DYNLRB2: variants seen among roughly 807,000 people sequenced by gnomAD.
DYNLRB2 encodes the protein bithoraxoid-like protein.
Under a neutral mutation model 12.6 loss-of-function variants are expected in DYNLRB2, and 14 were observed. That is an observed-to-expected ratio of 1.11 (90% CI 0.73 to 1.73). DYNLRB2 has a LOEUF of 1.73. Ranked by LOEUF, DYNLRB2 falls within the 40% of genes most tolerant of loss-of-function variation. The pLI, the probability that DYNLRB2 is intolerant of heterozygous loss-of-function variation, is 0.00. For synonymous variants in DYNLRB2, 53 were observed against 37.0 expected (o/e 1.43, Z -1.57); for missense variants, 142 against 117.7 (o/e 1.21, Z -0.95).
At chr16:80,543,696 G>T (rs1382159348) in intron 2 of DYNLRB2, among the ~76,000 whole-genome samples, 2 of 152,050 alleles carry the variant, frequency 1.3e-5, no homozygotes, top group African/African-American at 2.4e-5. Context: ...TATCATTGTT[G>T]GTGGGTTGTT....
chr16:80,549,086 C>A, intron 2 of DYNLRB2: 1 of 446,700 alleles, frequency 2.2e-6, no homozygotes, highest in South Asian at 1.6e-5. Context: ...AAGATTTATG[C>A]ACAAAAATGT....
intron 1 of DYNLRB2, 51 bp downstream of exon 1, chr16:80,541,130 T>C: frequency 6.3e-7 from 1 of 1,588,202 alleles, no homozygotes; most frequent in Non-Finnish European, 8.6e-7. Flanking sequence ...ACGCCGACCG[T>C]CAAGGACCTT....
Position 80,541,073 on chromosome 16 carries a change from C to G in DYNLRB2, c.-4C>G. The G allele has an allele frequency of 5.0e-6, 8 of 1,608,136 alleles. No individual in the cohort carries two copies. Among genetic ancestry groups the G allele is most frequent in the Non-Finnish European group, 6.8e-6 (8 of 1,176,762 alleles). ...CCTGAGCCCAGAGTTTCGCGGCCTC[C>G]GCGATGGTAAATCTGGGGTCTCCGT... On this transcript the variant is annotated 5_prime_UTR_variant, in exon 1 of 4. Transcript: ENST00000305904.
rs1904797865 is a variant in DYNLRB2 at position 80,550,788 on chromosome 16, A to G, written c.*230A>G. On this transcript the variant is annotated 3_prime_UTR_variant, in exon 4 of 4. Coordinates refer to ENST00000305904, the MANE Select transcript of DYNLRB2 (RefSeq NM_130897.3). ...ATATACGTCTCTATTGTCTTATAAT[A>G]CACAAAACCAAGGATTCTACTAAGA... The G allele has an allele frequency of 1.9e-6, 1 of 540,378 alleles. No individual in the cohort carries two copies. The allele number at this position is 540,378 out of a possible 1,614,324, so 33.5% of individuals were successfully genotyped here.
chr16:80,548,896 T>C lies in DYNLRB2; in HGVS notation c.80-588T>C, dbSNP rs192208295. 4 of 455,426 alleles carry C rather than the reference T, an allele frequency of 8.8e-6. No individual in the cohort carries two copies. The Admixed American group carries it at 9.4e-5, about 11-fold the overall frequency. 28.2% of individuals were successfully genotyped at this position (455,426 alleles called of 1,614,324 possible). On this transcript the variant is annotated intron_variant, in intron 2 of 3. Coordinates refer to ENST00000305904, the MANE Select transcript of DYNLRB2 (RefSeq NM_130897.3). ...ACTGTGTGAGGAGTCCCTTTTGATG[T>C]ACCCTCTAGCATGTGCAGTGATATC...
rs1186596400 is a variant in DYNLRB2, at chr16:80,540,998, C to G, written c.-79C>G. ...GTGGGGCCACTTCCTTTTTTGTCTC[C>G]TAGCAACGGCGGGTAGCGTTGTTGA... is the stretch of plus-strand genomic sequence containing the variant. On this transcript the variant is annotated 5_prime_UTR_variant, in exon 1 of 4. Transcript: ENST00000305904. 6.3e-7 allele frequency: 1 copy of G among 1,588,750 alleles called. No individual in the cohort carries two copies. The highest frequency in any genetic ancestry group is 1.3e-5 in the African/African-American group (1 of 74,186).
At chr16:80,550,395 G>A (rs1904768376) in intron 3 of DYNLRB2, 120 bp from the exon 4 acceptor site, 2 of 1,139,010 alleles carry the variant, frequency 1.8e-6, no homozygotes, top group Admixed American at 1.8e-5. Context: ...CAGATAGGGT[G>A]GGAAACCATC....
chr16:80,543,229 G>A, intron 1 of DYNLRB2, 47 bp from the exon 2 acceptor site: 1 of 1,592,186 alleles, frequency 6.3e-7, no homozygotes. Flanking sequence ...TAGGGTTGAA[G>A]TTACCACAGG....
chr16:80,545,065 A>T (rs1185250236), intron 2 of DYNLRB2, among the ~76,000 whole-genome samples: 1 of 152,110 alleles, frequency 6.6e-6, no homozygotes, highest in East Asian at 1.9e-4. Flanking sequence ...ACACTCTTCA[A>T]CCCTGTACAG....
chr16:80,544,527 G>A (rs189908851), intron 2 of DYNLRB2, among the ~76,000 whole-genome samples: 40 of 152,256 alleles, frequency 2.6e-4, no homozygotes, highest in Middle Eastern at 3.4e-3. Context: ...GCCCTAGTAC[G>A]TGGATCTGGT....
At chr16:80,543,586 C>T (rs929784174) in intron 2 of DYNLRB2, among the ~76,000 whole-genome samples, 3 of 152,174 alleles carry the variant, frequency 2.0e-5, no homozygotes, top group African/African-American at 4.8e-5. Context: ...CTATATACTC[C>T]TAAGAAGCAC....
At position 80,541,378 on chromosome 16, in the gene DYNLRB2, G is replaced by A. The variant is rs560505925; in HGVS notation, c.3+299G>A. 8 of 984,758 alleles carry A rather than the reference G, an allele frequency of 8.1e-6. No homozygotes were observed. In the African/African-American group the frequency reaches 1.2e-4, roughly 15 times the overall value. 61.0% of individuals were successfully genotyped at this position (984,758 alleles called of 1,614,324 possible). A position where few individuals can be genotyped will look rare whatever the true frequency, so the allele number is the denominator to read the frequency against. ...GGATGAAGAATGCTCAGGGGAGTGA[G>A]AAATCCGGGGAGCCAGGAAAGTTTC... On this transcript the variant is annotated intron_variant, in intron 1 of 3. Coordinates refer to ENST00000305904, the MANE Select transcript of DYNLRB2 (RefSeq NM_130897.3).
rs2142315871 is a variant in DYNLRB2 at position 80,549,649 on chromosome 16, C to T, written c.245C>T (p.Pro82Leu). 2 of 1,586,842 alleles carry T rather than the reference C, an allele frequency of 1.3e-6. No individual in the cohort carries two copies. The highest frequency in any genetic ancestry group is 1.1e-5 in the South Asian group (1 of 87,968). Residue 82 changes from proline to leucine, a missense_variant and splice_region_variant, in exon 3 of 4, where the codon CCA becomes CTA. Transcript: ENST00000305904. The stretch of plus-strand genomic sequence containing the variant: ...AAGAAACATGAAATCATGGTAGCTC[C>T]AGGTAATTTGGCATTTCATTTCCTA... ...RSKKHEIMVA[P>L]DKEYLLIVIQ...
chr16:80,550,769 G>A lies in DYNLRB2; in HGVS notation c.*211G>A, dbSNP rs183989150. ...ACAATAAGTGAATTCTGGTATATAC[G>A]TCTCTATTGTCTTATAATACACAAA... On this transcript the variant is annotated 3_prime_UTR_variant, in exon 4 of 4. Coordinates refer to ENST00000305904, the MANE Select transcript of DYNLRB2 (RefSeq NM_130897.3). 42 of 571,810 alleles carry A rather than the reference G, an allele frequency of 7.3e-5. No homozygotes were observed. Among genetic ancestry groups the A allele is most frequent in the African/African-American group, 2.8e-4 (15 of 53,448 alleles). 35.4% of individuals were successfully genotyped at this position (571,810 alleles called of 1,614,324 possible). A position where few individuals can be genotyped will look rare whatever the true frequency, so the allele number is the denominator to read the frequency against.
At chr16:80,542,458 C>T (rs939506226) in intron 1 of DYNLRB2, among the ~76,000 whole-genome samples, 1 of 152,120 alleles carries the variant, frequency 6.6e-6, no homozygotes, top group Admixed American at 6.5e-5. Flanking sequence ...AAAATGTTCA[C>T]CTGTGCAATA....
In DYNLRB2 at chr16:80,541,133, A is replaced by G. The variant is rs1597086235; in HGVS notation, c.3+54A>G. 8.2e-6 allele frequency: 13 copies of G among 1,587,482 alleles called. No homozygotes were observed. The East Asian group carries it at 1.4e-4, about 16-fold the overall frequency. On this transcript the variant is annotated intron_variant, in intron 1 of 3. Transcript: ENST00000305904. ...GCCGTTCCAAGCACGCCGACCGTCA[A>G]GGACCTTCGCACCCAGCTTCTGGGG...
intron 3 of DYNLRB2, 32 bp downstream of exon 3, chr16:80,549,683 A>G (rs1904720263): frequency 1.3e-6 from 2 of 1,546,244 alleles, no homozygotes; most frequent in African/African-American, 1.4e-5. Flanking sequence ...TAGTTAAATC[A>G]TCTTTCTAAT....
intron 1 of DYNLRB2, 91 bp from the exon 2 acceptor site, chr16:80,543,185 G>A (rs1904304852): frequency 7.8e-7 from 1 of 1,287,690 alleles, no homozygotes; most frequent in Non-Finnish European, 1.1e-6. Context: ...TAAGGAGATA[G>A]GAGAGTAGGT....
intron 2 of DYNLRB2, among the ~76,000 whole-genome samples, chr16:80,548,681 C>T (rs941182673): frequency 1.7e-4 from 26 of 150,446 alleles, no homozygotes; most frequent in African/African-American, 6.1e-4. Flanking sequence ...AAGATCATGC[C>T]GTCGCACTCC....
Sources: gnomAD v4.1 joint callset for allele counts (sites outside exome capture counted in the v4.1 genomes callset) on GRCh38, gnomAD v4.1.1 for gene constraint, MANE v1.5 for transcripts, NCBI Gene and HGNC (gene_info 2026-07-23, HGNC 2026-07-21) for gene names.